NFILZ: variants seen among roughly 807,000 people sequenced by gnomAD.
The protein encoded by NFILZ is NFIL3 like basic leucine zipper.
chr19:8,646,544 A>G (rs1555747083), intron 3 of NFILZ, among the ~76,000 whole-genome samples: 1 of 152,076 alleles, frequency 6.6e-6, no homozygotes, highest in East Asian at 1.9e-4. Flanking sequence ...AGGCTGCATA[A>G]CTGGAGAGAG....
At chr19:8,635,088 T>C (rs1052245007) in intron 2 of NFILZ, among the ~76,000 whole-genome samples, 4 of 151,824 alleles carry the variant, frequency 2.6e-5, no homozygotes, top group Non-Finnish European at 2.9e-5. Context: ...GGCGGGTGGA[T>C]CACTTGAGGT....
chr19:8,632,961 G>C (rs2146132479), intron 2 of NFILZ, among the ~76,000 whole-genome samples: 1 of 149,228 alleles, frequency 6.7e-6, no homozygotes, highest in South Asian at 2.1e-4. Context: ...GACCTCAGGT[G>C]ATCCGCCTGC....
In NFILZ at chr19:8,638,844, GTT is replaced by G. The variant is rs541846743; in HGVS notation, c.-164+3114_-164+3115del. Among the ~76,000 whole-genome samples, 631 of 135,560 alleles carry G rather than the reference GTT, an allele frequency of 4.7e-3. 6 individuals are homozygous for G. Among genetic ancestry groups the G allele is most frequent in the African/African-American group, 0.016 (588 of 36,398 alleles). The allele number at this position is 135,560 out of a possible 152,430, so 88.9% of individuals were successfully genotyped here. On this transcript the variant is annotated intron_variant, in intron 3 of 5. Transcript: ENST00000691075. ...CCCTGAAGCAGGAATTTACTTTGCTGTTTTTTTTTTTTTTTTTGAGATGGAAT... is the reference window on the plus strand; with the variant it reads ...CCCTGAAGCAGGAATTTACTTTGCTGTTTTTTTTTTTTTTTGAGATGGAAT...
chr19:8,669,671 G>A (rs782246123), intron 3 of NFILZ, among the ~76,000 whole-genome samples: 9 of 152,308 alleles, frequency 5.9e-5, no homozygotes, highest in Middle Eastern at 3.4e-3. Flanking sequence ...ATTTAACCTG[G>A]TGCATTAGGA....
chr19:8,647,793 G>A (rs62121175), intron 3 of NFILZ, among the ~76,000 whole-genome samples: 24,142 of 68,632 alleles, frequency 0.35, 3,015 homozygotes, highest in Non-Finnish European at 0.41. Context: ...GCGCGCGCGC[G>A]CGCACACACA....
intron 3 of NFILZ, among the ~76,000 whole-genome samples, chr19:8,639,396 G>A (rs2042909218): frequency 6.6e-6 from 1 of 152,012 alleles, no homozygotes; most frequent in Admixed American, 6.6e-5. Flanking sequence ...GGGCAACATA[G>A]CAAGACCCCT....
At chr19:8,656,755 G>A (rs2043005628) in intron 3 of NFILZ, among the ~76,000 whole-genome samples, 1 of 152,216 alleles carries the variant, frequency 6.6e-6, no homozygotes, top group Admixed American at 6.5e-5. Context: ...CCTATGGGTG[G>A]CAACACCTGT....
intron 3 of NFILZ, among the ~76,000 whole-genome samples, chr19:8,665,056 T>C (rs188273995): frequency 6.6e-6 from 1 of 152,158 alleles, no homozygotes; most frequent in East Asian, 1.9e-4. Flanking sequence ...TCTCCAAATA[T>C]CTCACACTCT....
chr19:8,680,140 G>A lies in NFILZ; in HGVS notation c.*2505G>A, dbSNP rs758625870. ...GAACCCAGGAGGTGGAGGCTGCAGC[G>A]AGCTGAGATTGCACCACTGCAGTCC... On this transcript the variant is annotated 3_prime_UTR_variant, in exon 6 of 6. Coordinates refer to ENST00000691075, the MANE Select transcript of NFILZ (RefSeq NM_001378600.1). 6.7e-6 allele frequency among the ~76,000 whole-genome samples: 1 copy of A among 148,924 alleles called. No individual in the cohort carries two copies. The highest frequency in any genetic ancestry group is 2.5e-5 in the African/African-American group (1 of 40,242).
rs375827614 is a variant in NFILZ at position 8,680,053 on chromosome 19, G to A, written c.*2418G>A. 5.3e-4 allele frequency among the ~76,000 whole-genome samples: 81 copies of A among 151,866 alleles called. 1 individual carries two copies. The East Asian group carries it at 8.1e-3, about 15-fold the overall frequency. On this transcript the variant is annotated 3_prime_UTR_variant, in exon 6 of 6. Coordinates refer to ENST00000691075, the MANE Select transcript of NFILZ (RefSeq NM_001378600.1). ...TCTAGTAAAAATACAAAAATTAGCC[G>A]GGCATGGTAGCGAGCGCCTGTAATC... is the stretch of plus-strand genomic sequence containing the variant.
Position 8,670,684 on chromosome 19 carries a change from T to C in NFILZ, c.-163-3867T>C, listed in dbSNP as rs372835733. On this transcript the variant is annotated intron_variant, in intron 3 of 5. Coordinates refer to ENST00000691075, the MANE Select transcript of NFILZ (RefSeq NM_001378600.1). Reference sequence around the variant, plus strand: ...TCCTGCAAGGCTTTTACTGTTTGTTTTCTGAGCTCAGTCAAGATTTCCAGA... The same window carrying C: ...TCCTGCAAGGCTTTTACTGTTTGTTCTCTGAGCTCAGTCAAGATTTCCAGA... Among the ~76,000 whole-genome samples the C allele has an allele frequency of 1.5e-4, 23 of 152,292 alleles. 1 individual carries two copies. Among genetic ancestry groups the C allele is most frequent in the African/African-American group, 5.3e-4 (22 of 41,570 alleles).
intron 3 of NFILZ, among the ~76,000 whole-genome samples, chr19:8,671,348 C>T (rs918064325): frequency 8.5e-5 from 13 of 152,078 alleles, no homozygotes; most frequent in Admixed American, 2.0e-4. Flanking sequence ...TAAATAAACT[C>T]GGGCAGCAGA....
chr19:8,633,874 TCTCCCTTCCTTC>T (rs1456004325), intron 2 of NFILZ, among the ~76,000 whole-genome samples: 2 of 134,970 alleles, frequency 1.5e-5, no homozygotes, highest in African/African-American at 2.8e-5. Flanking sequence ...GTATAACTTT[TCTCCCTTCCTTC>T]CTTCCTTCCT....
At chr19:8,645,214 G>A (rs1421607444) in intron 3 of NFILZ, among the ~76,000 whole-genome samples, 1 of 151,802 alleles carries the variant, frequency 6.6e-6, no homozygotes, top group African/African-American at 2.4e-5. Context: ...GCTCACTGCA[G>A]CCTCAAACTC....
rs190724344 is a variant in NFILZ, at chr19:8,673,340, G to T, written c.-163-1211G>T. On this transcript the variant is annotated intron_variant, in intron 3 of 5. Transcript: ENST00000691075. ...CAGTGAACTTGGACACCTGAGCAAG[G>T]TTATGTTATTAGCCTGGCTACCAGG... is the stretch of plus-strand genomic sequence containing the variant. Among the ~76,000 whole-genome samples the T allele has an allele frequency of 3.1e-4, 47 of 152,276 alleles. 1 individual carries two copies. The highest frequency in any genetic ancestry group is 1.0e-3 in the African/African-American group (42 of 41,550).
chr19:8,631,808 T>G (rs1230250688), intron 1 of NFILZ, among the ~76,000 whole-genome samples: 1 of 151,312 alleles, frequency 6.6e-6, no homozygotes, highest in Non-Finnish European at 1.5e-5. Context: ...CCCTGGGGGC[T>G]TGGTCACTCC....
chr19:8,641,590 A>G (rs539134367), intron 3 of NFILZ, among the ~76,000 whole-genome samples: 141 of 152,276 alleles, frequency 9.3e-4, no homozygotes, highest in Non-Finnish European at 1.5e-3. Context: ...ACATGGGGAA[A>G]CTGAGTCAAA....
intron 3 of NFILZ, among the ~76,000 whole-genome samples, chr19:8,641,834 T>TC (rs2042920609): frequency 6.6e-6 from 1 of 152,002 alleles, no homozygotes; most frequent in African/African-American, 2.4e-5. Flanking sequence ...GATAGCTTTT[T>TC]TTTTTTTTAG....
intron 3 of NFILZ, among the ~76,000 whole-genome samples, chr19:8,650,805 T>G (rs2967723): frequency 0.26 from 39,315 of 152,062 alleles, 5,340 homozygotes; most frequent in Middle Eastern, 0.38. Context: ...TTTCATAATT[T>G]ACGTATTTAT....
Sources: gnomAD v4.1 joint callset for allele counts (sites outside exome capture counted in the v4.1 genomes callset) on GRCh38, gnomAD v4.1.1 for gene constraint, MANE v1.5 for transcripts, NCBI Gene and HGNC (gene_info 2026-07-23, HGNC 2026-07-21) for gene names.